Variants in PIK3CA observed in about 807,000 individuals in gnomAD.
PIK3CA encodes the protein phosphatidylinositol-4,5-bisphosphate 3-kinase catalytic subunit alpha, also known as phosphatidylinositol 4,5-bisphosphate 3-kinase catalytic subunit alpha isoform.
PIK3CA carries 27 observed loss-of-function variants against 138.2 expected under a neutral mutation model. The ratio of observed to expected loss-of-function variants is 0.20; its 90% confidence interval spans 0.14 to 0.27. The LOEUF (loss-of-function observed/expected upper bound fraction) is 0.27, where lower values mean the gene tolerates loss of function less well. Ranked by LOEUF, PIK3CA falls within the 10% of genes least tolerant of loss-of-function variation. The pLI is 1.00. For synonymous variants in PIK3CA, 358 were observed against 413.2 expected, an observed-to-expected ratio of 0.87 and a Z score of 1.62; for missense variants, 544 against 1,277.4, an observed-to-expected ratio of 0.43 and a Z score of 8.75.
intron 9 of PIK3CA, among the ~76,000 whole-genome samples, chr3:179,215,931 A>G (rs532956342): frequency 1.1e-4 from 17 of 152,270 alleles, no homozygotes; most frequent in African/African-American, 3.9e-4. Flanking sequence ...TGTAGGAGCC[A>G]TCCTGTGTGT....
At chr3:179,162,516 G>T (rs1264729784) in intron 1 of PIK3CA, among the ~76,000 whole-genome samples, 2 of 151,890 alleles carry the variant, frequency 1.3e-5, no homozygotes, top group Non-Finnish European at 2.9e-5. Context: ...TATCATACCC[G>T]GCCTGGTATG....
intron 3 of PIK3CA, 113 bp downstream of exon 3, chr3:179,200,012 A>C: frequency 1.6e-6 from 1 of 621,386 alleles, no homozygotes; most frequent in Non-Finnish European, 2.8e-6. Context: ...AGCTTCTTGA[A>C]GGCAGGGACT....
At chr3:179,218,522 A>T (rs1324465916) in intron 10 of PIK3CA, among the ~76,000 whole-genome samples, 188 bp downstream of exon 10, 1 of 152,220 alleles carries the variant, frequency 6.6e-6, no homozygotes, top group East Asian at 1.9e-4. Context: ...GTGGAAAATC[A>T]TACTACATTG....
chr3:179,183,964 AT>A (rs1227191375), intron 1 of PIK3CA, among the ~76,000 whole-genome samples: 2 of 152,218 alleles, frequency 1.3e-5, no homozygotes, highest in Non-Finnish European at 1.5e-5. Context: ...CTTGGCAGGA[AT>A]TAAACTAAAA....
chr3:179,200,686 A>G (rs958942897), intron 3 of PIK3CA, among the ~76,000 whole-genome samples: 1 of 152,192 alleles, frequency 6.6e-6, no homozygotes, highest in African/African-American at 2.4e-5. Flanking sequence ...CAACATATAG[A>G]CAACTTGAAA....
chr3:179,211,246 A>T (rs1156446546), intron 9 of PIK3CA, among the ~76,000 whole-genome samples: 1 of 152,246 alleles, frequency 6.6e-6, no homozygotes, highest in Non-Finnish European at 1.5e-5. Flanking sequence ...AAATGCAAAC[A>T]TATATAAAGA....
rs773550451 is a variant in PIK3CA, at chr3:179,201,318, A to G, written c.591A>G (p.Ile197Met). The G allele has an allele frequency of 6.2e-7, 1 of 1,612,606 alleles. No individual in the cohort carries two copies. Among genetic ancestry groups the G allele is most frequent in the Non-Finnish European group, 8.5e-7 (1 of 1,178,842 alleles). Reference sequence around the variant, plus strand: ...AAATAATAGTGGTGATCTGGGTAATAGTTTCTCCAAATAATGACAAGCAGA... The same window carrying G: ...AAATAATAGTGGTGATCTGGGTAATGGTTTCTCCAAATAATGACAAGCAGA... ...KGQIIVVIWV[I>M]VSPNNDKQKY... Residue 197 changes from isoleucine (I) to methionine (M), a missense_variant, in exon 4 of 21, where the codon ATA becomes ATG. By Grantham distance (10) the Ile-to-Met change is conservative. Transcript: ENST00000263967.
chr3:179,202,082 C>T (rs372728057), intron 4 of PIK3CA, among the ~76,000 whole-genome samples: 5 of 151,942 alleles, frequency 3.3e-5, no homozygotes, highest in East Asian at 3.9e-4. Context: ...GTTTGTTTTT[C>T]GAGACAGGGT....
rs777154955 is a variant in PIK3CA, at chr3:179,199,860, C to A, written c.523C>A (p.Pro175Thr). 1 of 1,611,200 alleles carries A rather than the reference C, an allele frequency of 6.2e-7. No homozygotes were observed. Residue 175 changes from proline (P) to threonine (T), a missense_variant, in exon 3 of 21, where the codon CCA becomes ACA. This residue lies in a region of PIK3CA where 234 missense variants were observed against 401.3 expected (regional missense o/e 0.58). Transcript: ENST00000263967. ...YVYPPNVESS[P>T]ELPKHIYNKL... ...CTATCCTCCAAATGTAGAATCTTCA[C>A]CAGAATTGCCAAAGCACATATATAA...
chr3:179,226,125 T>A, intron 17 of PIK3CA, 85 bp downstream of exon 17: 1 of 714,880 alleles, frequency 1.4e-6, no homozygotes, highest in South Asian at 1.7e-5. Flanking sequence ...TATAGAGGCA[T>A]ATGTCTAAAA....
intron 1 of PIK3CA, among the ~76,000 whole-genome samples, chr3:179,158,669 A>C (rs1723199470): frequency 6.6e-6 from 1 of 152,132 alleles, no homozygotes; most frequent in Non-Finnish European, 1.5e-5. Flanking sequence ...TTTGCATATC[A>C]TTGTTTGTTA....
chr3:179,195,863 T>C (rs973545107), intron 1 of PIK3CA, among the ~76,000 whole-genome samples: 3 of 152,156 alleles, frequency 2.0e-5, no homozygotes, highest in African/African-American at 7.2e-5. Flanking sequence ...TTCTACACTT[T>C]ATGTGAACCC....
chr3:179,219,181 G>A lies in PIK3CA; in HGVS notation c.1665-15G>A. On this transcript the variant is annotated splice_polypyrimidine_tract_variant and intron_variant, in intron 10 of 20. Transcript: ENST00000263967. The surrounding 1 kb of genome is among the most constrained non-coding windows in gnomAD (Gnocchi z 4.2). Reference sequence around the variant, plus strand: ...ATGCAAGAATGTTTATGTTTATTTTGTTTCTCCCACACAGACACTATTGTG... The same window carrying A: ...ATGCAAGAATGTTTATGTTTATTTTATTTCTCCCACACAGACACTATTGTG... 2 of 1,511,506 alleles carry A rather than the reference G, an allele frequency of 1.3e-6. No homozygotes were observed. The highest frequency in any genetic ancestry group is 1.8e-6 in the Non-Finnish European group (2 of 1,089,580). The allele number at this position is 1,511,506 out of a possible 1,614,324, so 93.6% of individuals were successfully genotyped here.
intron 9 of PIK3CA, among the ~76,000 whole-genome samples, chr3:179,213,419 G>A (rs1970901): frequency 0.26 from 39,040 of 152,132 alleles, 5,947 homozygotes; most frequent in African/African-American, 0.42. Flanking sequence ...AAATGCTGAT[G>A]ATCATGCAAG....
intron 9 of PIK3CA, among the ~76,000 whole-genome samples, chr3:179,216,611 A>G (rs1302647427): frequency 1.3e-5 from 2 of 152,198 alleles, no homozygotes; most frequent in East Asian, 3.8e-4. Context: ...CCTTTCCTTC[A>G]ACAGTTATGA....
chr3:179,203,264 T>A (rs1360423052), intron 4 of PIK3CA, among the ~76,000 whole-genome samples: 6 of 152,132 alleles, frequency 3.9e-5, no homozygotes, highest in Admixed American at 3.9e-4. Flanking sequence ...TAATTCCTTT[T>A]TTTGCCTCCA....
At position 179,236,695 on chromosome 3, in the gene PIK3CA, T is replaced by G. The variant is rs1456436921; in HGVS notation, c.*2331T>G. On this transcript the variant is annotated 3_prime_UTR_variant, in exon 21 of 21. Transcript: ENST00000263967. ...AAAATGCACAAACCACATGGCCGATTTCACCATTTACATTTATTTTCAAAA... is the reference window on the plus strand; with the variant it reads ...AAAATGCACAAACCACATGGCCGATGTCACCATTTACATTTATTTTCAAAA... The G allele has an allele frequency of 4.4e-6, 1 of 225,604 alleles. No individual in the cohort carries two copies. The highest frequency in any genetic ancestry group is 6.5e-5 in the East Asian group (1 of 15,494). 14.0% of individuals were successfully genotyped at this position (225,604 alleles called of 1,614,324 possible).
In PIK3CA at chr3:179,199,754, C is replaced by A. The variant is rs2108387358; in HGVS notation, c.417C>A (p.Phe139Leu). The change falls in exon 3 of 21, where the codon TTC becomes TTA. Residue 139 changes from phenylalanine (F) to leucine (L), a missense_variant. Phe to Leu is a conservative substitution (Grantham distance 22). Transcript: ENST00000263967. Reference protein sequence around the residue: ...DMVKDPEVQDFRRNILNVCKE... With the variant: ...DMVKDPEVQDLRRNILNVCKE... ...TTAAAGATCCAGAAGTACAGGACTT[C>A]CGAAGAAATATTCTGAACGTTTGTA... The A allele has an allele frequency of 6.2e-7, 1 of 1,613,398 alleles. No homozygotes were observed. The highest frequency in any genetic ancestry group is 8.5e-7 in the Non-Finnish European group (1 of 1,179,474).
At chr3:179,164,869 T>TAAA (rs111770110) in intron 1 of PIK3CA, among the ~76,000 whole-genome samples, 1 of 145,728 alleles carries the variant, frequency 6.9e-6, no homozygotes, top group African/African-American at 2.5e-5. Context: ...AACTCTGTCT[T>TAAA]AAAAAAAAAA....
Sources: gnomAD v4.1 joint callset for allele counts (sites outside exome capture counted in the v4.1 genomes callset) on GRCh38, gnomAD v4.1.1 for gene constraint, gnomAD v4.1.1 regional missense constraint, Gnocchi (gnomAD v3.1) non-coding constraint, MANE v1.5 for transcripts, NCBI Gene and HGNC (gene_info 2026-07-23, HGNC 2026-07-21) for gene names.